Variants in MACROD2 observed in about 807,000 individuals in gnomAD.
The protein encoded by MACROD2 is ADP-ribose glycohydrolase MACROD2.
In MACROD2, 36 loss-of-function variants were observed where a neutral mutation model predicts 70.4. The observed-to-expected ratio is 0.51, with a 90% confidence interval of 0.39 to 0.68. The LOEUF is 0.68. MACROD2 is among the 30% of genes least tolerant of loss of function. The pLI is 0.00. For missense variants in MACROD2, 496 were observed against 538.4 expected, an observed-to-expected ratio of 0.92 and a Z score of 0.78; for synonymous variants, 172 against 178.8, an observed-to-expected ratio of 0.96 and a Z score of 0.30.
chr20:14,506,630 C>G (rs1478953134), intron 4 of MACROD2, among the ~76,000 whole-genome samples: 3 of 152,162 alleles, frequency 2.0e-5, no homozygotes, highest in Non-Finnish European at 4.4e-5. Context: ...CAAAACCTTC[C>G]AGCACCGATA....
At chr20:14,536,005 A>T (rs888979910) in intron 4 of MACROD2, among the ~76,000 whole-genome samples, 9 of 152,272 alleles carry the variant, frequency 5.9e-5, no homozygotes, top group African/African-American at 2.2e-4. Flanking sequence ...TGGTTATAGG[A>T]GGGAAATGTA....
chr20:15,072,145 CTT>C (rs1370125230), intron 5 of MACROD2, among the ~76,000 whole-genome samples: 2 of 152,054 alleles, frequency 1.3e-5, no homozygotes, highest in Non-Finnish European at 2.9e-5. Context: ...ATTGTAATGT[CTT>C]TTGAAAAATA....
At chr20:14,625,176 A>G (rs570728894) in intron 4 of MACROD2, among the ~76,000 whole-genome samples, 1 of 151,994 alleles carries the variant, frequency 6.6e-6, no homozygotes, top group Admixed American at 6.5e-5. Context: ...AAAAGACAAT[A>G]ATTAGCTAGG....
chr20:14,069,679 C>A (rs2053813323), intron 2 of MACROD2, among the ~76,000 whole-genome samples: 1 of 146,030 alleles, frequency 6.8e-6, no homozygotes, highest in Admixed American at 7.0e-5. Flanking sequence ...ATATTGGGAT[C>A]TAGTATGCAG....
chr20:15,897,797 C>T (rs981060725), intron 10 of MACROD2, among the ~76,000 whole-genome samples: 2 of 152,040 alleles, frequency 1.3e-5, no homozygotes, highest in Non-Finnish European at 2.9e-5. Context: ...AATTTAATAT[C>T]TCTAGTCTGT....
intron 3 of MACROD2, among the ~76,000 whole-genome samples, chr20:14,137,216 A>G (rs1317342118): frequency 6.7e-6 from 1 of 149,420 alleles, no homozygotes; most frequent in Admixed American, 6.8e-5. Context: ...TGATAACATA[A>G]ACAGTTGATT....
At chr20:14,720,289 A>G (rs1252537901) in intron 5 of MACROD2, among the ~76,000 whole-genome samples, 1 of 152,138 alleles carries the variant, frequency 6.6e-6, no homozygotes, top group Admixed American at 6.5e-5. Context: ...TTCTTTGACT[A>G]AACAAGTACT....
At chr20:15,474,966 G>A (rs553940782) in intron 7 of MACROD2, among the ~76,000 whole-genome samples, 2 of 152,084 alleles carry the variant, frequency 1.3e-5, no homozygotes, top group Admixed American at 6.5e-5. Flanking sequence ...CTCTGTACCT[G>A]GGGGATCCGC....
chr20:14,711,313 A>G (rs1378649777), intron 5 of MACROD2, among the ~76,000 whole-genome samples: 1 of 152,198 alleles, frequency 6.6e-6, no homozygotes, highest in Non-Finnish European at 1.5e-5. Flanking sequence ...AGAGGAATAA[A>G]TCATGTATCC....
chr20:14,987,481 G>A (rs2074859847), intron 5 of MACROD2, among the ~76,000 whole-genome samples: 1 of 152,116 alleles, frequency 6.6e-6, no homozygotes, highest in African/African-American at 2.4e-5. Flanking sequence ...GAAAAATCAA[G>A]TGTGTGTTTA....
intron 3 of MACROD2, among the ~76,000 whole-genome samples, chr20:14,479,856 A>G (rs2084642454): frequency 6.6e-6 from 1 of 152,190 alleles, no homozygotes; most frequent in African/African-American, 2.4e-5. Flanking sequence ...CATATACTTT[A>G]TAGATTTATT....
chr20:15,530,782 TC>T (rs1320422813), intron 8 of MACROD2, among the ~76,000 whole-genome samples: 1 of 152,034 alleles, frequency 6.6e-6, no homozygotes, highest in African/African-American at 2.4e-5. Flanking sequence ...TAATGTTTTT[TC>T]TGATTATGTA....
rs1260215408 is a variant in MACROD2 at position 15,626,860 on chromosome 20, C to T, written c.645+127013C>T. On this transcript the variant is annotated intron_variant, in intron 8 of 17. Coordinates refer to ENST00000684519, the MANE Select transcript of MACROD2 (RefSeq NM_001351661.2). Reference sequence around the variant, plus strand: ...ACAGAACAAGACTCCATACCCCACCCCCCCAAAAAAAAATTGCAAATGACT... The same window carrying T: ...ACAGAACAAGACTCCATACCCCACCTCCCCAAAAAAAAATTGCAAATGACT... Among the ~76,000 whole-genome samples, 6 of 151,448 alleles carry T rather than the reference C, an allele frequency of 4.0e-5. No homozygotes were observed. In the East Asian group the frequency reaches 5.8e-4, roughly 15 times the overall value.
At chr20:14,049,890 C>T (rs1028824642) in intron 2 of MACROD2, among the ~76,000 whole-genome samples, 2 of 152,022 alleles carry the variant, frequency 1.3e-5, no homozygotes, top group African/African-American at 2.4e-5. Context: ...TTGAGTCCAG[C>T]CTGGCCAACA....
chr20:15,049,893 A>G (rs1305222965), intron 5 of MACROD2, among the ~76,000 whole-genome samples: 1 of 151,916 alleles, frequency 6.6e-6, no homozygotes, highest in African/African-American at 2.4e-5. Flanking sequence ...GGCTGCAGTA[A>G]GCCAAGATTG....
intron 5 of MACROD2, among the ~76,000 whole-genome samples, chr20:15,216,694 C>A (rs1702123160): frequency 1.3e-5 from 2 of 152,136 alleles, no homozygotes; most frequent in South Asian, 4.1e-4. Context: ...GTGACAGCGA[C>A]AAACTTTCAC....
chr20:14,702,648 TAC>T (rs111696106), intron 5 of MACROD2, among the ~76,000 whole-genome samples: 1,400 of 69,196 alleles, frequency 0.02, 111 homozygotes, highest in African/African-American at 0.061. Context: ...TATATATATA[TAC>T]ACATATATAT....
At chr20:14,335,494 A>G (rs2082919923) in intron 3 of MACROD2, among the ~76,000 whole-genome samples, 1 of 152,182 alleles carries the variant, frequency 6.6e-6, no homozygotes, top group African/African-American at 2.4e-5. Context: ...TTGCTGCCAC[A>G]TTTAGTTATG....
chr20:15,202,820 CAGAA>C (rs749210970), intron 5 of MACROD2, among the ~76,000 whole-genome samples: 12 of 151,946 alleles, frequency 7.9e-5, no homozygotes, highest in Non-Finnish European at 1.8e-4. Context: ...TCAGTGTAGA[CAGAA>C]AGAAAAAGGA....
Sources: gnomAD v4.1 joint callset for allele counts (sites outside exome capture counted in the v4.1 genomes callset) on GRCh38, gnomAD v4.1.1 for gene constraint, MANE v1.5 for transcripts, NCBI Gene and HGNC (gene_info 2026-07-23, HGNC 2026-07-21) for gene names.